The following WAPL variants were observed in gnomAD, a reference collection of about 807,000 sequenced individuals.
The protein encoded by WAPL is wings apart-like protein homolog.
In WAPL, 5 loss-of-function variants were observed where a neutral mutation model predicts 121.0. That is an observed-to-expected ratio of 0.04 (90% CI 0.02 to 0.09). The LOEUF (loss-of-function observed/expected upper bound fraction) is 0.09. Ranked by LOEUF, WAPL falls within the 10% of genes least tolerant of loss-of-function variation. WAPL has a pLI of 1.00. For missense variants in WAPL, 999 were observed against 1,410.8 expected, an observed-to-expected ratio of 0.71 and a Z score of 4.68; for synonymous variants, 480 against 481.5, an observed-to-expected ratio of 1.00 and a Z score of 0.04.
chr10:86,514,629 T>C (rs934919012), intron 2 of WAPL, among the ~76,000 whole-genome samples: 1 of 152,192 alleles, frequency 6.6e-6, no homozygotes, highest in African/African-American at 2.4e-5. Context: ...GAACTACATT[T>C]TAGCTACATA....
At chr10:86,480,713 C>T (rs939968598) in intron 4 of WAPL, among the ~76,000 whole-genome samples, 1 of 152,252 alleles carries the variant, frequency 6.6e-6, no homozygotes, top group Non-Finnish European at 1.5e-5. Context: ...TGGACAAATG[C>T]TCACATAGAT....
At chr10:86,443,554 C>A in intron 16 of WAPL, 191 bp from the exon 17 acceptor site, 4 of 488,984 alleles carry the variant, frequency 8.2e-6, no homozygotes, top group Admixed American at 3.7e-5. Flanking sequence ...AAAGCTGAAA[C>A]CATAAAACTT....
chr10:86,442,108 A>C (rs1589488498), intron 17 of WAPL, among the ~76,000 whole-genome samples: 1 of 152,044 alleles, frequency 6.6e-6, no homozygotes, highest in Non-Finnish European at 1.5e-5. Flanking sequence ...CTCACTGCAA[A>C]CTCCGCCTCC....
rs34053295 is a variant in WAPL at position 86,517,722 on chromosome 10, A to G, written c.348T>C (p.Asn116=). Residue 116 remains asparagine (N), a synonymous_variant, in exon 2 of 19, where the codon AAT becomes AAC. Transcript: ENST00000298767. The part of the protein sequence containing the change: ...LEEVTSVLEA[N]SKISHVVVED... ...CAACGACCACATGACTAATTTTGCT[A>G]TTAGCTTCAAGTACTGAAGTGACCT... 8.7e-4 allele frequency: 1,411 copies of G among 1,614,168 alleles called. 17 individuals are homozygous for G. The African/African-American group carries it at 0.017, about 19-fold the overall frequency.
chr10:86,471,384 C>A (rs1457513875), intron 7 of WAPL, among the ~76,000 whole-genome samples: 1 of 152,094 alleles, frequency 6.6e-6, no homozygotes, highest in African/African-American at 2.4e-5. Context: ...ATCTGAGCTG[C>A]CTTTCATTAA....
At chr10:86,495,472 AGAG>A (rs897129074) in intron 4 of WAPL, among the ~76,000 whole-genome samples, 1 of 152,114 alleles carries the variant, frequency 6.6e-6, no homozygotes, top group East Asian at 1.9e-4. Flanking sequence ...CAAAAAAAAA[AGAG>A]GAGGAGGAAT....
intron 9 of WAPL, among the ~76,000 whole-genome samples, chr10:86,466,088 A>G (rs1003323731): frequency 1.3e-5 from 2 of 152,318 alleles, no homozygotes; most frequent in Middle Eastern, 3.4e-3. Flanking sequence ...TGGAATAGCC[A>G]TCTCACACAT....
At position 86,437,446 on chromosome 10, in the gene WAPL, T is replaced by C. The variant is rs1474393434; in HGVS notation, c.*97A>G. ...AAACACGAATGATACTGATGAATGT[T>C]CTTGGTATATCTTCAAGGACTTCTT... On this transcript the variant is annotated 3_prime_UTR_variant, in exon 19 of 19. Coordinates refer to ENST00000298767, the MANE Select transcript of WAPL (RefSeq NM_015045.5). 2 of 1,281,696 alleles carry C rather than the reference T, an allele frequency of 1.6e-6. No homozygotes were observed. The highest frequency in any genetic ancestry group is 4.6e-5 in the Admixed American group (2 of 43,370). The allele number at this position is 1,281,696 out of a possible 1,614,324, so 79.4% of individuals were successfully genotyped here.
chr10:86,501,703 G>A (rs1323568167), intron 2 of WAPL, among the ~76,000 whole-genome samples: 2 of 152,108 alleles, frequency 1.3e-5, no homozygotes, highest in East Asian at 3.9e-4. Flanking sequence ...CTCAAGACAG[G>A]ATCTCACTGT....
rs920030216 is a variant in WAPL, at chr10:86,521,787, C to G, written c.-445G>C. On this transcript the variant is annotated 5_prime_UTR_variant, in exon 1 of 19. Coordinates refer to ENST00000298767, the MANE Select transcript of WAPL (RefSeq NM_015045.5). ...TCCTTCCTCCAACAGCCGCTCGCTC[C>G]GTCACTCCGCTTCCCACAGTCCCCG... The G allele has an allele frequency of 2.3e-6, 1 of 436,258 alleles. No homozygotes were observed. The highest frequency in any genetic ancestry group is 1.1e-4 in the East Asian group (1 of 9,492). The allele number at this position is 436,258 out of a possible 1,614,324, so 27.0% of individuals were successfully genotyped here.
chr10:86,444,064 TA>T (rs2132165699), intron 16 of WAPL: 1 of 152,292 alleles, frequency 6.6e-6, no homozygotes, highest in East Asian at 1.9e-4. Flanking sequence ...GCAGAAGACT[TA>T]GAGATTTCTT....
At position 86,521,490 on chromosome 10, in the gene WAPL, G is replaced by GA; in HGVS notation, c.-149dup. The GA allele has an allele frequency of 2.9e-6, 1 of 344,198 alleles. No homozygotes were observed. Among genetic ancestry groups the GA allele is most frequent in the Non-Finnish European group, 5.8e-6 (1 of 172,460 alleles). 21.3% of individuals were successfully genotyped at this position (344,198 alleles called of 1,614,324 possible). A position where few individuals can be genotyped will look rare whatever the true frequency, so the allele number is the denominator to read the frequency against. On this transcript the variant is annotated 5_prime_UTR_variant, in exon 1 of 19. Coordinates refer to ENST00000298767, the MANE Select transcript of WAPL (RefSeq NM_015045.5). ...CCGGCAGGTGAGAGCCGAGAGAGGCGAGGGACTCTGCTTTCGGTAAATAGG... is the reference window on the plus strand; with the variant it reads ...CCGGCAGGTGAGAGCCGAGAGAGGCGAAGGGACTCTGCTTTCGGTAAATAGG...
chr10:86,516,541 C>G (rs745785856), intron 2 of WAPL, among the ~76,000 whole-genome samples: 2 of 152,056 alleles, frequency 1.3e-5, no homozygotes, highest in Non-Finnish European at 2.9e-5. Flanking sequence ...ACTAAGGTTT[C>G]TTTTCAATTA....
At chr10:86,437,822 C>G (rs985314599) in intron 18 of WAPL, 98 bp downstream of exon 18, 1 of 1,035,352 alleles carries the variant, frequency 9.7e-7, no homozygotes. Context: ...AAAGAAAATC[C>G]CTTTTTGCTC....
At chr10:86,447,594 T>TAA (rs150927559) in intron 15 of WAPL, among the ~76,000 whole-genome samples, 16 of 145,480 alleles carry the variant, frequency 1.1e-4, no homozygotes, top group African/African-American at 3.8e-4. Context: ...GGGACTCTTA[T>TAA]AAAAAAAAAA....
chr10:86,499,009 ATTATAACCACCTG>A (rs1842197812), intron 3 of WAPL, among the ~76,000 whole-genome samples: 1 of 152,240 alleles, frequency 6.6e-6, no homozygotes, highest in Non-Finnish European at 1.5e-5. Context: ...TATTTCCCTC[ATTATAACCACCTG>A]TTATCAGTAC....
chr10:86,463,305 C>G (rs1841330761), intron 9 of WAPL, among the ~76,000 whole-genome samples: 2 of 152,146 alleles, frequency 1.3e-5, no homozygotes, highest in South Asian at 4.2e-4. Flanking sequence ...GTGGGGGGGA[C>G]CCCCGAGGCA....
intron 4 of WAPL, among the ~76,000 whole-genome samples, chr10:86,474,985 A>G (rs1481994653): frequency 1.3e-5 from 2 of 152,234 alleles, no homozygotes; most frequent in African/African-American, 4.8e-5. Flanking sequence ...GATCCAAAAA[A>G]GTACCATGTA....
chr10:86,448,179 G>C (rs1840882670), intron 15 of WAPL, among the ~76,000 whole-genome samples: 2 of 151,928 alleles, frequency 1.3e-5, no homozygotes, highest in Admixed American at 1.3e-4. Context: ...TAGAGGTTTG[G>C]TTAAATAAAG....
Sources: gnomAD v4.1 joint callset for allele counts (sites outside exome capture counted in the v4.1 genomes callset) on GRCh38, gnomAD v4.1.1 for gene constraint, MANE v1.5 for transcripts, NCBI Gene and HGNC (gene_info 2026-07-23, HGNC 2026-07-21) for gene names.